The following CSMD1 variants were observed in gnomAD, a reference collection of about 807,000 sequenced individuals.
CSMD1 encodes CUB and Sushi multiple domains 1.
A neutral mutation model predicts 417.5 loss-of-function variants in CSMD1; 213 were observed. The ratio of observed to expected loss-of-function variants is 0.51; its 90% CI spans 0.46 to 0.57. The LOEUF is 0.57. CSMD1 is among the 20% of genes least tolerant of loss of function. CSMD1 has a pLI of 0.00. For synonymous variants in CSMD1, 2,862 were observed against 1,736.8 expected (o/e 1.65, Z -16.11); for missense variants, 6,923 against 4,529.7 (o/e 1.53, Z -15.17).
At chr8:4,468,674 G>A (rs922923087) in intron 2 of CSMD1, among the ~76,000 whole-genome samples, 9 of 151,998 alleles carry the variant, frequency 5.9e-5, no homozygotes, top group Admixed American at 3.9e-4. Context: ...TCCTCCCCTG[G>A]ACTGTATGTA....
chr8:4,058,932 C>A (rs1030730099), intron 3 of CSMD1, among the ~76,000 whole-genome samples: 2 of 152,002 alleles, frequency 1.3e-5, no homozygotes, highest in African/African-American at 2.4e-5. Flanking sequence ...CAGCTCTGCA[C>A]CAAGCGGGCC....
At chr8:4,402,871 G>A (rs928021338) in intron 3 of CSMD1, among the ~76,000 whole-genome samples, 4 of 135,940 alleles carry the variant, frequency 2.9e-5, no homozygotes, top group Non-Finnish European at 4.6e-5. Flanking sequence ...CCAGGCTGGA[G>A]TGCAGCGGCG....
intron 3 of CSMD1, among the ~76,000 whole-genome samples, chr8:4,204,310 G>T (rs900635132): frequency 1.3e-5 from 2 of 150,638 alleles, no homozygotes; most frequent in African/African-American, 4.9e-5. Flanking sequence ...TTCTTTCTCA[G>T]AATCAGAATA....
intron 3 of CSMD1, among the ~76,000 whole-genome samples, chr8:4,362,169 T>G (rs1447255729): frequency 6.6e-6 from 1 of 152,090 alleles, no homozygotes; most frequent in East Asian, 1.9e-4. Flanking sequence ...TTTACATGAG[T>G]ACAGTGAAGA....
chr8:3,966,485 T>A (rs1812684679), intron 5 of CSMD1, among the ~76,000 whole-genome samples: 1 of 152,156 alleles, frequency 6.6e-6, no homozygotes, highest in Non-Finnish European at 1.5e-5. Context: ...CTGTTATTTA[T>A]TTATTGGGAG....
intron 1 of CSMD1, among the ~76,000 whole-genome samples, chr8:4,740,602 A>G (rs1178777312): frequency 6.6e-6 from 1 of 152,180 alleles, no homozygotes; most frequent in East Asian, 1.9e-4. Context: ...ACAAGCACCA[A>G]TTGATGAAAT....
At chr8:3,230,254 G>A (rs1202082586) in intron 26 of CSMD1, 23 bp from the exon 27 acceptor site, 4 of 1,531,906 alleles carry the variant, frequency 2.6e-6, no homozygotes, top group African/African-American at 2.7e-5. Flanking sequence ...GAGAAGGCAA[G>A]GTCACAGGCT....
chr8:3,101,861 A>G (rs1256081755), intron 46 of CSMD1, among the ~76,000 whole-genome samples: 1 of 138,334 alleles, frequency 7.2e-6, no homozygotes, highest in Non-Finnish European at 1.5e-5. Context: ...GAGTGCAGTG[A>G]CGTGATCTCA....
intron 1 of CSMD1, among the ~76,000 whole-genome samples, chr8:4,916,583 G>T (rs181225662): frequency 1.7e-4 from 26 of 152,338 alleles, no homozygotes; most frequent in Middle Eastern, 3.4e-3. Context: ...CTCAATAAAT[G>T]TAAGTTGAAA....
chr8:4,305,429 G>T (rs186294497), intron 3 of CSMD1, among the ~76,000 whole-genome samples: 29 of 152,230 alleles, frequency 1.9e-4, no homozygotes, highest in Admixed American at 1.6e-3. Flanking sequence ...AGGGATAATC[G>T]ACTAAAAGTA....
intron 5 of CSMD1, among the ~76,000 whole-genome samples, chr8:3,849,431 A>C (rs1803731533): frequency 1.3e-5 from 2 of 152,196 alleles, no homozygotes; most frequent in African/African-American, 4.8e-5. Flanking sequence ...TAAATGTCAG[A>C]AAGTAACCCT....
intron 50 of CSMD1, among the ~76,000 whole-genome samples, chr8:3,042,168 G>C (rs1433959636): frequency 1.3e-5 from 2 of 152,150 alleles, no homozygotes; most frequent in African/African-American, 2.4e-5. Context: ...CTGGTTAGCT[G>C]AGATACCAAA....
At chr8:3,821,090 G>A (rs55778544) in intron 5 of CSMD1, among the ~76,000 whole-genome samples, 3,504 of 151,428 alleles carry the variant, frequency 0.023, 141 homozygotes, top group African/African-American at 0.08. Context: ...TTACTTTTTT[G>A]TATTTTTAGT....
intron 1 of CSMD1, among the ~76,000 whole-genome samples, chr8:4,873,494 T>C (rs1802857380): frequency 6.6e-6 from 1 of 152,098 alleles, no homozygotes. Flanking sequence ...AAACTGACCT[T>C]AGTGGAACTG....
rs868266562 is a variant in CSMD1 at position 3,807,435 on chromosome 8, A to G, written c.819-53393T>C. On this transcript the variant is annotated intron_variant, in intron 5 of 69. Coordinates refer to ENST00000635120, the MANE Select transcript of CSMD1 (RefSeq NM_033225.6). ...GAGGATGTTTTCTCTGATTTTTTTT[A>G]TATGTGTAATGAAAGGCAAAGATCA... 1.9e-3 allele frequency among the ~76,000 whole-genome samples: 290 copies of G among 149,300 alleles called. 2 individuals carry two copies. Among genetic ancestry groups the G allele is most frequent in the Middle Eastern group, 3.5e-3 (1 of 282 alleles).
At chr8:4,712,793 G>A (rs1051520824) in intron 1 of CSMD1, among the ~76,000 whole-genome samples, 2 of 152,018 alleles carry the variant, frequency 1.3e-5, no homozygotes, top group Non-Finnish European at 2.9e-5. Context: ...TGTTGGTTTC[G>A]TGCTGAGGCA....
chr8:3,437,404 T>C (rs1329101176), intron 12 of CSMD1, among the ~76,000 whole-genome samples: 1 of 152,194 alleles, frequency 6.6e-6, no homozygotes, highest in African/African-American at 2.4e-5. Context: ...CATACAGTTC[T>C]GACTTATCCT....
chr8:4,842,219 G>T (rs954958308), intron 1 of CSMD1, among the ~76,000 whole-genome samples: 1 of 152,078 alleles, frequency 6.6e-6, no homozygotes, highest in Non-Finnish European at 1.5e-5. Context: ...ATTGAGTGTG[G>T]GAATTAAGGG....
chr8:4,658,479 A>T (rs1256633928), intron 1 of CSMD1, among the ~76,000 whole-genome samples: 2 of 152,136 alleles, frequency 1.3e-5, no homozygotes, highest in Non-Finnish European at 2.9e-5. Context: ...AAAAGCAAAA[A>T]CAAAAACAAA....
Sources: gnomAD v4.1 joint callset for allele counts (sites outside exome capture counted in the v4.1 genomes callset) on GRCh38, gnomAD v4.1.1 for gene constraint, MANE v1.5 for transcripts, NCBI Gene and HGNC (gene_info 2026-07-23, HGNC 2026-07-21) for gene names.